The following CTNNA2 variants were observed in gnomAD, a reference collection of about 807,000 sequenced individuals.
The protein encoded by CTNNA2 is catenin alpha 2.
In CTNNA2, 42 loss-of-function variants were observed where a neutral mutation model predicts 101.0. The observed-to-expected ratio is 0.42, with a 90% CI of 0.32 to 0.54. The LOEUF (loss-of-function observed/expected upper bound fraction) is 0.54. CTNNA2 is among the 20% of genes least tolerant of loss of function. The pLI is 0.14. For synonymous variants in CTNNA2, 450 were observed against 456.4 expected (o/e 0.99, Z 0.18); for missense variants, 871 against 1,223.1 (o/e 0.71, Z 4.29).
intron 7 of CTNNA2, among the ~76,000 whole-genome samples, chr2:79,910,173 C>T (rs1685687257): frequency 6.6e-6 from 1 of 152,036 alleles, no homozygotes; most frequent in African/African-American, 2.4e-5. Context: ...ACTTTTAAAC[C>T]TAAGGATAGC....
chr2:80,451,071 T>C (rs1683466556), intron 9 of CTNNA2, among the ~76,000 whole-genome samples: 1 of 152,138 alleles, frequency 6.6e-6, no homozygotes, highest in East Asian at 1.9e-4. Context: ...TGCATTATCC[T>C]TTGTGTGGCC....
intron 2 of CTNNA2, among the ~76,000 whole-genome samples, chr2:79,707,876 C>T (rs1232600815): frequency 2.0e-5 from 3 of 152,118 alleles, no homozygotes; most frequent in Non-Finnish European, 2.9e-5. Context: ...TACATTGTTT[C>T]AATGACACTG....
At chr2:80,123,837 G>A (rs1182941101) in intron 7 of CTNNA2, among the ~76,000 whole-genome samples, 1 of 152,084 alleles carries the variant, frequency 6.6e-6, no homozygotes, top group African/African-American at 2.4e-5. Flanking sequence ...GCAATATGGG[G>A]CTTGTGATGG....
intron 7 of CTNNA2, among the ~76,000 whole-genome samples, chr2:80,381,605 G>A (rs1003997622): frequency 6.6e-6 from 1 of 152,158 alleles, no homozygotes; most frequent in Admixed American, 6.5e-5. Context: ...GATTTGGGCA[G>A]GCAAAACAGC....
Position 79,618,437 on chromosome 2 carries a change from T to C in CTNNA2, c.-5-33115T>C, listed in dbSNP as rs182509131. On this transcript the variant is annotated intron_variant, in intron 1 of 18. Transcript: ENST00000402739. ...AGCTCTTAGGTTGCTAGTTTGAGGT[T>C]ACTTTTGAGGTATTAGAATTTATTT... 2.1e-3 allele frequency among the ~76,000 whole-genome samples: 314 copies of C among 152,336 alleles called. 3 individuals carry two copies. Among genetic ancestry groups the C allele is most frequent in the African/African-American group, 7.3e-3 (302 of 41,572 alleles).
chr2:79,700,455 A>T (rs1684928978), intron 2 of CTNNA2, among the ~76,000 whole-genome samples: 1 of 152,098 alleles, frequency 6.6e-6, no homozygotes, highest in Admixed American at 6.6e-5. Context: ...GTTACCATAC[A>T]GAAATGGCCA....
chr2:80,609,120 C>A (rs1258218761), intron 17 of CTNNA2, among the ~76,000 whole-genome samples: 1 of 151,826 alleles, frequency 6.6e-6, no homozygotes, highest in Non-Finnish European at 1.5e-5. Flanking sequence ...GGCTCTGACA[C>A]CTTAGTTCTT....
chr2:79,204,122 T>G (rs1674071075), intron 2 of CTNNA2, among the ~76,000 whole-genome samples: 1 of 152,216 alleles, frequency 6.6e-6, no homozygotes, highest in African/African-American at 2.4e-5. Flanking sequence ...AGCCATAAGG[T>G]GCCTTTGAAA....
At chr2:80,052,500 A>T (rs1696938456) in intron 7 of CTNNA2, among the ~76,000 whole-genome samples, 1 of 152,252 alleles carries the variant, frequency 6.6e-6, no homozygotes, top group South Asian at 2.1e-4. Context: ...TTATCAATTT[A>T]GTAGATATGA....
chr2:80,299,473 C>T (rs1027802227), intron 7 of CTNNA2: 5 of 151,980 alleles, frequency 3.3e-5, no homozygotes, highest in East Asian at 3.9e-4. Context: ...AGACACACAA[C>T]GCAGAAACAT....
chr2:79,909,615 A>C lies in CTNNA2; in HGVS notation c.874A>C (p.Met292Leu). ...TCAGAATAAGATTATCCTGGACCCCATGACGTTCAGCGAGGCCAGGTTCCG... is the reference window on the plus strand; with the variant it reads ...TCAGAATAAGATTATCCTGGACCCCCTGACGTTCAGCGAGGCCAGGTTCCG... ...EFDNKIILDP[M>L]TFSEARFRPS... Residue 292 changes from methionine to leucine, a missense_variant, in exon 7 of 19, where the codon ATG becomes CTG. By Grantham distance (15) the Met-to-Leu change is conservative. Around this residue, in one of 5 missense-constraint regions of CTNNA2, gnomAD observed 647 missense variants for 831.5 expected, o/e 0.78. Transcript: ENST00000402739. The C allele has an allele frequency of 1.2e-6, 2 of 1,612,294 alleles. No homozygotes were observed. Among genetic ancestry groups the C allele is most frequent in the Non-Finnish European group, 1.7e-6 (2 of 1,178,644 alleles).
intron 2 of CTNNA2, among the ~76,000 whole-genome samples, chr2:79,682,222 C>A (rs1683613808): frequency 6.6e-6 from 1 of 151,738 alleles, no homozygotes; most frequent in African/African-American, 2.4e-5. Flanking sequence ...TCCTGGCTAA[C>A]AAGGTGAAAC....
At chr2:80,347,147 G>C (rs994809639) in intron 7 of CTNNA2, among the ~76,000 whole-genome samples, 40 of 152,174 alleles carry the variant, frequency 2.6e-4, no homozygotes, top group African/African-American at 9.4e-4. Context: ...CACCGCAGTG[G>C]CAGATTCAGC....
At chr2:79,458,752 A>G (rs1028024791) in intron 4 of CTNNA2, among the ~76,000 whole-genome samples, 5 of 152,170 alleles carry the variant, frequency 3.3e-5, no homozygotes, top group Non-Finnish European at 7.4e-5. Context: ...TTTATTTTCC[A>G]TCTCACACCA....
chr2:79,201,506 G>A (rs553332271), intron 2 of CTNNA2, among the ~76,000 whole-genome samples: 5 of 152,188 alleles, frequency 3.3e-5, no homozygotes, highest in South Asian at 2.1e-4. Context: ...TTCCATTGTC[G>A]TGGAAGCAGG....
At chr2:79,945,031 TG>T (rs1227078638) in intron 7 of CTNNA2, among the ~76,000 whole-genome samples, 1 of 152,148 alleles carries the variant, frequency 6.6e-6, no homozygotes, top group Non-Finnish European at 1.5e-5. Context: ...GTTTGGTTGT[TG>T]TTTTTTGTTT....
intron 7 of CTNNA2, among the ~76,000 whole-genome samples, chr2:80,227,971 T>C (rs1708985346): frequency 6.6e-6 from 1 of 152,234 alleles, no homozygotes; most frequent in East Asian, 1.9e-4. Flanking sequence ...GGCAGCATTT[T>C]TTTTTTCCTA....
intron 4 of CTNNA2, among the ~76,000 whole-genome samples, chr2:79,377,616 C>T (rs1164874900): frequency 6.6e-6 from 1 of 152,108 alleles, no homozygotes; most frequent in African/African-American, 2.4e-5. Flanking sequence ...TTGTTTGTTT[C>T]CTTTCCAGAA....
intron 7 of CTNNA2, among the ~76,000 whole-genome samples, chr2:80,315,280 A>T (rs1289517088): frequency 6.6e-6 from 1 of 152,226 alleles, no homozygotes; most frequent in Non-Finnish European, 1.5e-5. Flanking sequence ...GCAGCAACAA[A>T]CACTCCAAAA....
Sources: allele counts gnomAD v4.1 joint callset (sites outside exome capture counted in the v4.1 genomes callset), GRCh38; gene constraint gnomAD v4.1.1; regional missense constraint gnomAD v4.1.1; transcripts MANE v1.5; gene names NCBI Gene and HGNC (gene_info 2026-07-23, HGNC 2026-07-21).